Variants in APC2 observed in about 807,000 individuals in gnomAD.
APC2 encodes the protein APC regulator of Wnt signaling pathway 2.
In APC2, 41 loss-of-function variants were observed where a neutral mutation model predicts 72.5. The ratio of observed to expected loss-of-function variants is 0.57; its 90% CI spans 0.44 to 0.73. The LOEUF (loss-of-function observed/expected upper bound fraction) is 0.73. APC2 is among the 30% of genes least tolerant of loss of function. APC2 has a pLI of 0.00. For missense variants in APC2, 3,729 were observed against 3,403.4 expected (o/e 1.10, Z -2.38); for synonymous variants, 1,898 against 1,612.0 (o/e 1.18, Z -4.25).
chr19:1,469,935 A>G lies in APC2; in HGVS notation c.6634A>G (p.Arg2212Gly). 1 of 1,514,738 alleles carries G rather than the reference A, an allele frequency of 6.6e-7. No individual in the cohort carries two copies. Among genetic ancestry groups the G allele is most frequent in the South Asian group, 1.2e-5 (1 of 82,160 alleles). The allele number at this position is 1,514,738 out of a possible 1,614,324, so 93.8% of individuals were successfully genotyped here. The change falls in exon 15 of 15, where the codon AGG becomes GGG. Residue 2212 changes from arginine to glycine, a missense_variant. Physicochemically the swap from Arg to Gly is moderately radical, Grantham distance 125. Transcript: ENST00000590469. ...CAGCACGTCCCCGAGCCTGGAGACC[A>G]GGGAGCCCCCCGGGGCCCCCGCCGG... ...NSSTSPSLET[R>G]EPPGAPAGGQ...
At chr19:1,465,117 T>G (rs777888354) in intron 14 of APC2, 38 bp from the exon 15 acceptor site, 2 of 1,565,092 alleles carry the variant, frequency 1.3e-6, no homozygotes, top group South Asian at 1.2e-5. Context: ...CAGGGGAGGG[T>G]GGGGGGTGGC....
rs1479393215 is a variant in APC2 at position 1,452,129 on chromosome 19, T to TCCGG, written c.-18-853_-18-850dup. ...AGGGAAGGGGGGCGTGAAGGGGGGC[T>TCCGG]CCGGCGGGAGGGCCGAGCCGAGGGA... On this transcript the variant is annotated intron_variant, in intron 1 of 14. Coordinates refer to ENST00000590469, the MANE Select transcript of APC2 (RefSeq NM_005883.3). This position sits in a 1 kb window ranked among gnomAD's most constrained non-coding sequence, Gnocchi z 5.1. The TCCGG allele has an allele frequency of 4.3e-5, 6 of 138,322 alleles. 1 individual carries two copies. Among genetic ancestry groups the TCCGG allele is most frequent in the Non-Finnish European group, 9.3e-5 (6 of 64,220 alleles). The allele number at this position is 138,322 out of a possible 1,614,324, so 8.6% of individuals were successfully genotyped here.
Position 1,457,170 on chromosome 19 carries a change from GGCCTACTGC to G in APC2, c.1136_1144del (p.Ala379_Cys381del). ...TCCTGCACGTGCTGGAGCAGATCCG[GGCCTACTGC>G]GAGACCTGCTGGGACTGGCTGCAGG... On this transcript the variant is annotated inframe_deletion, in exon 9 of 15. Coordinates refer to ENST00000590469, the MANE Select transcript of APC2 (RefSeq NM_005883.3). 6.3e-7 allele frequency: 1 copy of G among 1,580,604 alleles called. No individual in the cohort carries two copies. Among genetic ancestry groups the G allele is most frequent in the Non-Finnish European group, 8.6e-7 (1 of 1,166,132 alleles).
chr19:1,461,265 C>A, intron 13 of APC2, 112 bp downstream of exon 13: 1 of 922,522 alleles, frequency 1.1e-6, no homozygotes, highest in Non-Finnish European at 1.7e-6. Context: ...CAGCTCACTG[C>A]TTAGCGGGTG....
chr19:1,465,795 G>A lies in APC2; in HGVS notation c.2494G>A (p.Asp832Asn), dbSNP rs2084000183. The A allele has an allele frequency of 1.9e-6, 3 of 1,581,190 alleles. No homozygotes were observed. Among genetic ancestry groups the A allele is most frequent in the African/African-American group, 2.7e-5 (2 of 73,616 alleles). Residue 832 changes from aspartate (D) to asparagine (N), a missense_variant, in exon 15 of 15, where the codon GAC becomes AAC. Physicochemically the swap from Asp to Asn is conservative, Grantham distance 23. Transcript: ENST00000590469. ...TRRGGKEAEK[D>N]TSGEAAVAAK... ...CCGAGGCGGCAAGGAGGCAGAGAAG[G>A]ACACCAGTGGGGAGGCAGCCGTGGC... is the stretch of plus-strand genomic sequence containing the variant.
At chr19:1,461,206 G>C in intron 13 of APC2, 53 bp downstream of exon 13, 1 of 1,479,760 alleles carries the variant, frequency 6.8e-7, no homozygotes, top group South Asian at 1.1e-5. Context: ...GAAGGAGACT[G>C]CTGGCGGCAG....
In APC2 at chr19:1,466,081, TC is replaced by T; in HGVS notation, c.2781del (p.Asn928ThrfsTer109). 6.5e-7 allele frequency: 1 copy of T among 1,528,768 alleles called. No homozygotes were observed. The allele number at this position is 1,528,768 out of a possible 1,614,324, so 94.7% of individuals were successfully genotyped here. On this transcript the variant is annotated frameshift_variant, in exon 15 of 15. Transcript: ENST00000590469. LOFTEE classifies it low-confidence loss of function (END_TRUNC). ...CACGCCAGCCTCTCCAACGACAGCCTCAACAGCGGCAGTGCCAGCGACGGGT... is the reference window on the plus strand; with the variant it reads ...CACGCCAGCCTCTCCAACGACAGCCTAACAGCGGCAGTGCCAGCGACGGGT... ...AAHASLSNDS[L>X]NSGSASDGYC...
In APC2 at chr19:1,468,466, C is replaced by A; in HGVS notation, c.5165C>A (p.Ser1722Tyr). 1 of 1,600,712 alleles carries A rather than the reference C, an allele frequency of 6.2e-7. No homozygotes were observed. The highest frequency in any genetic ancestry group is 1.1e-5 in the South Asian group (1 of 89,454). ...TCCGACTCCATCCTGTCCTTCGTAT[C>A]CGGGCTGTCAGTGGGATCCACCCTA... The part of the protein sequence containing the change: ...SESDSILSFV[S>Y]GLSVGSTLQP... Residue 1722 changes from serine (S) to tyrosine (Y), a missense_variant, in exon 15 of 15, where the codon TCC becomes TAC. Coordinates refer to ENST00000590469, the MANE Select transcript of APC2 (RefSeq NM_005883.3).
Position 1,468,258 on chromosome 19 carries a change from C to T in APC2, c.4957C>T (p.Arg1653Ter). The T allele has an allele frequency of 6.6e-7, 1 of 1,524,474 alleles. No individual in the cohort carries two copies. The highest frequency in any genetic ancestry group is 8.8e-7 in the Non-Finnish European group (1 of 1,138,722). 94.4% of individuals were successfully genotyped at this position (1,524,474 alleles called of 1,614,324 possible). A position where few individuals can be genotyped will look rare whatever the true frequency, so the allele number is the denominator to read the frequency against. The change falls in exon 15 of 15, where the codon CGA (arginine) becomes TGA (stop). Residue 1653 changes from arginine (R) to a stop codon, truncating the protein, a stop_gained. Transcript: ENST00000590469. LOFTEE classifies it low-confidence loss of function (END_TRUNC). Reference sequence around the variant, plus strand: ...GTCTGGCCTGCGGCGCCGCAAGCCCCGAGCCACCCGGCTGGATGAGCGGCC... The same window carrying T: ...GTCTGGCCTGCGGCGCCGCAAGCCCTGAGCCACCCGGCTGGATGAGCGGCC... ...PVSGLRRRKP[R>*]ATRLDERPAE...
In APC2 at chr19:1,467,850, G is replaced by A. The variant is rs1423972917; in HGVS notation, c.4549G>A (p.Glu1517Lys). 7 of 1,539,554 alleles carry A rather than the reference G, an allele frequency of 4.5e-6. No homozygotes were observed. In the South Asian group the frequency reaches 6.0e-5, roughly 13 times the overall value. Residue 1517 changes from glutamate (E) to lysine (K), a missense_variant, in exon 15 of 15, where the codon GAG (glutamate) becomes AAG (lysine). Physicochemically the swap from Glu to Lys is moderately conservative, Grantham distance 56. Coordinates refer to ENST00000590469, the MANE Select transcript of APC2 (RefSeq NM_005883.3). Reference protein sequence around the residue: ...YCFYGNDSDEEPPAAAPTPTH... With the variant: ...YCFYGNDSDEKPPAAAPTPTH... Reference sequence around the variant, plus strand: ...CTTCTACGGCAACGACTCGGACGAGGAGCCCCCGGCGGCCGCGCCCACGCC... The same window carrying A: ...CTTCTACGGCAACGACTCGGACGAGAAGCCCCCGGCGGCCGCGCCCACGCC...
Position 1,469,185 on chromosome 19 carries a change from G to T in APC2, c.5884G>T (p.Gly1962Cys). The change falls in exon 15 of 15, where the codon GGC becomes TGC. Residue 1962 changes from glycine (G) to cysteine (C), a missense_variant. Coordinates refer to ENST00000590469, the MANE Select transcript of APC2 (RefSeq NM_005883.3). ...CAGGGGCCGGGCGGGGACCGAGGCGGGCCCGGGGGCGCGCGGGGGCCGCCT... is the reference window on the plus strand; with the variant it reads ...CAGGGGCCGGGCGGGGACCGAGGCGTGCCCGGGGGCGCGCGGGGGCCGCCT... ...GPRGRAGTEA[G>C]PGARGGRLGL... The T allele has an allele frequency of 7.8e-7, 1 of 1,289,034 alleles. No individual in the cohort carries two copies. The highest frequency in any genetic ancestry group is 2.2e-5 in the South Asian group (1 of 44,462). The allele number at this position is 1,289,034 out of a possible 1,614,324, so 79.8% of individuals were successfully genotyped here.
chr19:1,449,937 C>T (rs2083722313), upstream of APC2, among the ~76,000 whole-genome samples: 1 of 152,162 alleles, frequency 6.6e-6, no homozygotes, highest in Non-Finnish European at 1.5e-5. Flanking sequence ...GCACCCCCTT[C>T]CCTCGGGGGG....
At chr19:1,461,214 C>A (rs1416814154) in intron 13 of APC2, 61 bp downstream of exon 13, 34 of 1,436,204 alleles carry the variant, frequency 2.4e-5, no homozygotes, top group Non-Finnish European at 3.2e-5. Context: ...CTGCTGGCGG[C>A]AGCGGGCGAG....
Position 1,452,924 on chromosome 19 carries a change from G to A in APC2, c.-18-60G>A, listed in dbSNP as rs772486411. 6.4e-7 allele frequency: 1 copy of A among 1,565,570 alleles called. No individual in the cohort carries two copies. The highest frequency in any genetic ancestry group is 1.2e-5 in the South Asian group (1 of 83,558). On this transcript the variant is annotated intron_variant, in intron 1 of 14. Transcript: ENST00000590469. This position sits in a 1 kb window ranked among gnomAD's most constrained non-coding sequence, Gnocchi z 5.1. Reference sequence around the variant, plus strand: ...GCTTAGGTCAGGGGCCGTCTGTCCGGAAGGCATCACCGCGCCCTCCCCAGA... The same window carrying A: ...GCTTAGGTCAGGGGCCGTCTGTCCGAAAGGCATCACCGCGCCCTCCCCAGA...
At chr19:1,457,273 G>A (rs1048192228) in intron 9 of APC2, 30 bp downstream of exon 9, 41 of 1,490,104 alleles carry the variant, frequency 2.8e-5, no homozygotes, top group Non-Finnish European at 3.2e-5. Flanking sequence ...GGCCCCCTCC[G>A]CGCAATTAAC....
chr19:1,453,144 T>A lies in APC2; in HGVS notation c.141+2T>A, dbSNP rs1299639561. 6.3e-7 allele frequency: 1 copy of A among 1,598,326 alleles called. No homozygotes were observed. The highest frequency in any genetic ancestry group is 8.5e-7 in the Non-Finnish European group (1 of 1,173,112). ...GAGACAGAGACGTCGGGCATGAAGG[T>A]GGGGGCCTACATGGAGGAGGTGGGC... On this transcript the variant is annotated splice_donor_variant, in intron 2 of 14. Coordinates refer to ENST00000590469, the MANE Select transcript of APC2 (RefSeq NM_005883.3). LOFTEE classifies it high-confidence loss of function.
chr19:1,455,640 TC>T, intron 6 of APC2, 140 bp downstream of exon 6: 2 of 845,388 alleles, frequency 2.4e-6, no homozygotes, highest in Non-Finnish European at 3.7e-6. Context: ...GGGTTCTGGT[TC>T]AGGAGGCGGG....
chr19:1,452,979 C>G lies in APC2; in HGVS notation c.-18-5C>G. 6.2e-7 allele frequency: 1 copy of G among 1,610,206 alleles called. No individual in the cohort carries two copies. The highest frequency in any genetic ancestry group is 8.5e-7 in the Non-Finnish European group (1 of 1,179,530). ...CAGCTGAACCCTCTGACCCTGTGAT[C>G]CCAGACGCTGCAGGAGCTGAAGATG... On this transcript the variant is annotated splice_polypyrimidine_tract_variant and splice_region_variant and intron_variant, in intron 1 of 14. Transcript: ENST00000590469. The surrounding 1 kb of genome is among the most constrained non-coding windows in gnomAD (Gnocchi z 5.1).
At chr19:1,459,446 C>T (rs1052039749) in intron 10 of APC2, among the ~76,000 whole-genome samples, 6 of 152,204 alleles carry the variant, frequency 3.9e-5, no homozygotes, top group African/African-American at 4.8e-5. Flanking sequence ...ACCCACTTGT[C>T]CTCCTATGGA....
Sources: gnomAD v4.1 joint callset for allele counts (sites outside exome capture counted in the v4.1 genomes callset) on GRCh38, gnomAD v4.1.1 for gene constraint, Gnocchi (gnomAD v3.1) non-coding constraint, MANE v1.5 for transcripts, NCBI Gene and HGNC (gene_info 2026-07-23, HGNC 2026-07-21) for gene names.